The following MTFR1 variants were observed in gnomAD, a reference collection of about 807,000 sequenced individuals.
The protein encoded by MTFR1 is chondrocyte protein with a poly-proline region.
In MTFR1, 28 loss-of-function variants were observed where a neutral mutation model predicts 38.8. The observed-to-expected ratio is 0.72, with a 90% CI of 0.53 to 0.99. MTFR1 has a LOEUF of 0.99. MTFR1 is among the 50% of genes least tolerant of loss of function. The pLI, the probability that MTFR1 is intolerant of heterozygous loss-of-function variation, is 0.00. For missense variants in MTFR1, 358 were observed against 395.5 expected (o/e 0.91, Z 0.81); for synonymous variants, 145 against 137.0 (o/e 1.06, Z -0.41).
chr8:65,661,212 G>A (rs13281002), intron 1 of MTFR1, among the ~76,000 whole-genome samples: 2,758 of 152,248 alleles, frequency 0.018, 40 homozygotes, highest in Non-Finnish European at 0.028. Flanking sequence ...GGTAAACTGT[G>A]GACTTTAGAT....
At chr8:65,699,390 CT>C (rs1431196358) in intron 4 of MTFR1, among the ~76,000 whole-genome samples, 1 of 152,176 alleles carries the variant, frequency 6.6e-6, no homozygotes, top group Non-Finnish European at 1.5e-5. Context: ...CAATAGTTCT[CT>C]TTTAAGTTCT....
At chr8:65,774,606 T>C (rs929636596), downstream of MTFR1, among the ~76,000 whole-genome samples, 19 of 151,598 alleles carry the variant, frequency 1.3e-4, no homozygotes, top group South Asian at 2.1e-4. Context: ...AAATTAAGTA[T>C]TTACCATAGA....
At chr8:65,740,168 TG>T (rs1289158700) in intron 3 of MTFR1, among the ~76,000 whole-genome samples, 2 of 66,670 alleles carry the variant, frequency 3.0e-5, no homozygotes, top group Non-Finnish European at 5.9e-5. Context: ...GAGAGTTGCT[TG>T]GGGGGGTGGG....
intron 2 of MTFR1, among the ~76,000 whole-genome samples, chr8:65,671,533 C>G (rs2129051453): frequency 7.0e-6 from 1 of 143,366 alleles, no homozygotes; most frequent in East Asian, 2.2e-4. Flanking sequence ...GAGCAAGACC[C>G]TATCTTTAAA....
intron 2 of MTFR1, among the ~76,000 whole-genome samples, chr8:65,674,994 A>G (rs1804671231): frequency 6.6e-6 from 1 of 152,162 alleles, no homozygotes; most frequent in Non-Finnish European, 1.5e-5. Flanking sequence ...AATGTTTATT[A>G]AAAGCATTAT....
At chr8:65,745,278 T>C (rs538655112) in intron 3 of MTFR1, 3 of 677,624 alleles carry the variant, frequency 4.4e-6, no homozygotes, top group Admixed American at 5.5e-5. Context: ...GAAAATGGAC[T>C]AATACACTCT....
At position 65,708,160 on chromosome 8, in the gene MTFR1, C is replaced by G. The variant is rs565698899; in HGVS notation, c.933+149C>G. 1.1e-5 allele frequency: 17 copies of G among 1,503,338 alleles called. No homozygotes were observed. The South Asian group carries it at 2.0e-4, about 18-fold the overall frequency. 93.1% of individuals were successfully genotyped at this position (1,503,338 alleles called of 1,614,324 possible). A position where few individuals can be genotyped will look rare whatever the true frequency, so the allele number is the denominator to read the frequency against. On this transcript the variant is annotated intron_variant, in intron 7 of 7. Transcript: ENST00000262146. The stretch of plus-strand genomic sequence containing the variant: ...TGGTCCCTGCCTTACAAGTAGATCA[C>G]GGCTGGTTGGGAAAAGGATGACATC...
At chr8:65,762,574 T>C (rs568243361) in intron 3 of MTFR1, among the ~76,000 whole-genome samples, 279 of 152,298 alleles carry the variant, frequency 1.8e-3, no homozygotes, top group Non-Finnish European at 2.9e-3. Flanking sequence ...ATCTGTAAAA[T>C]AGGCCCCACA....
At chr8:65,736,795 T>G (rs919843436) in intron 3 of MTFR1, among the ~76,000 whole-genome samples, 11 of 151,112 alleles carry the variant, frequency 7.3e-5, no homozygotes, top group Non-Finnish European at 1.3e-4. Flanking sequence ...TATCTGTTTT[T>G]TTTTTTTTTT....
chr8:65,697,962 A>G (rs1462598180), intron 4 of MTFR1, among the ~76,000 whole-genome samples: 1 of 152,070 alleles, frequency 6.6e-6, no homozygotes, highest in Non-Finnish European at 1.5e-5. Context: ...GTCTTTTCAT[A>G]CATTTAATGG....
At chr8:65,665,155 G>A (rs1475342946) in intron 1 of MTFR1, among the ~76,000 whole-genome samples, 5 of 151,168 alleles carry the variant, frequency 3.3e-5, no homozygotes, top group East Asian at 2.0e-4. Context: ...GTTTGGTCTC[G>A]ATCTCTTGAC....
Position 65,704,231 on chromosome 8 carries a change from A to G in MTFR1, c.282-463A>G, listed in dbSNP as rs370813796. Among the ~76,000 whole-genome samples the G allele has an allele frequency of 2.6e-5, 4 of 152,336 alleles. No homozygotes were observed. In the East Asian group the frequency reaches 5.8e-4, roughly 22 times the overall value. On this transcript the variant is annotated intron_variant, in intron 4 of 7. Coordinates refer to ENST00000262146, the MANE Select transcript of MTFR1 (RefSeq NM_014637.4). ...ACTTTTTTGCTCTTACCCTGGCACA[A>G]TAGTGTTCAAGATTAAAGAGTAATT...
chr8:65,671,540 TA>T (rs34214439), intron 2 of MTFR1, among the ~76,000 whole-genome samples: 558 of 124,602 alleles, frequency 4.5e-3, no homozygotes, highest in Non-Finnish European at 5.8e-3. Flanking sequence ...ACCCTATCTT[TA>T]AAAAAAAAAA....
intron 3 of MTFR1, among the ~76,000 whole-genome samples, chr8:65,743,206 A>G (rs1807518668): frequency 6.6e-6 from 1 of 152,190 alleles, no homozygotes; most frequent in East Asian, 1.9e-4. Flanking sequence ...GATAATACCT[A>G]AAATAATATT....
At chr8:65,740,684 AGC>A (rs1453256797) in intron 3 of MTFR1, among the ~76,000 whole-genome samples, 2 of 152,242 alleles carry the variant, frequency 1.3e-5, no homozygotes, top group South Asian at 4.1e-4. Context: ...TACAGGCGTG[AGC>A]TACCACGCCT....
In MTFR1 at chr8:65,693,754, A is replaced by C. The variant is rs753321191; in HGVS notation, c.276A>C (p.Arg92Ser). Residue 92 changes from arginine (R) to serine (S), a missense_variant, in exon 4 of 8, where the codon AGA becomes AGC. By Grantham distance (110) the Arg-to-Ser change is moderately radical. Coordinates refer to ENST00000262146, the MANE Select transcript of MTFR1 (RefSeq NM_014637.4). ...VAKEEGECSARLRTEVRSRPP... is the reference protein window; with the variant it reads ...VAKEEGECSASLRTEVRSRPP... ...AAGAAGAAGGAGAGTGTTCAGCAAG[A>C]CTAAGGTTAGTTTGGAAGGCTATCA... is the stretch of plus-strand genomic sequence containing the variant. 2 of 1,613,394 alleles carry C rather than the reference A, an allele frequency of 1.2e-6. No individual in the cohort carries two copies. Among genetic ancestry groups the C allele is most frequent in the South Asian group, 1.1e-5 (1 of 91,028 alleles).
intron 2 of MTFR1, chr8:65,679,637 A>G (rs1351421048): frequency 2.0e-5 from 3 of 152,214 alleles, no homozygotes; most frequent in Non-Finnish European, 4.4e-5. Flanking sequence ...AAATAAATAC[A>G]TAATAGTAAT....
intron 3 of MTFR1, among the ~76,000 whole-genome samples, chr8:65,739,784 A>AAAAATTT (rs1321077796): frequency 3.3e-5 from 5 of 152,348 alleles, no homozygotes; most frequent in Admixed American, 6.5e-5. Context: ...TCATTATAAG[A>AAAAATTT]AAAATTTAAT....
downstream of MTFR1, among the ~76,000 whole-genome samples, chr8:65,711,699 GA>G (rs1805952722): frequency 1.3e-5 from 2 of 152,142 alleles, no homozygotes; most frequent in African/African-American, 4.8e-5. Context: ...ATCCTTTGAG[GA>G]TGGGATAATA....
Sources: gnomAD v4.1 joint callset for allele counts (sites outside exome capture counted in the v4.1 genomes callset) on GRCh38, gnomAD v4.1.1 for gene constraint, MANE v1.5 for transcripts, NCBI Gene and HGNC (gene_info 2026-07-23, HGNC 2026-07-21) for gene names.